SGPL1: variants seen among roughly 807,000 people sequenced by gnomAD.
SGPL1 encodes the protein SP-lyase 1.
In SGPL1, 37 loss-of-function variants were observed where a neutral mutation model predicts 68.9. That is an observed-to-expected ratio of 0.54 (90% CI 0.41 to 0.71). SGPL1 has a LOEUF of 0.71. SGPL1 is among the 30% of genes least tolerant of loss of function. The probability of loss-of-function intolerance (pLI) is 0.00; values close to 1 mark genes in which losing one functional copy is unlikely to be tolerated. For missense variants in SGPL1, 551 were observed against 704.6 expected, an observed-to-expected ratio of 0.78 and a Z score of 2.47; for synonymous variants, 236 against 248.5, an observed-to-expected ratio of 0.95 and a Z score of 0.47.
At chr10:70,851,680 T>C (rs1845883697) in intron 4 of SGPL1, among the ~76,000 whole-genome samples, 1 of 152,142 alleles carries the variant, frequency 6.6e-6, no homozygotes. Context: ...GGTGCTTACA[T>C]GGTTTAGGTC....
At chr10:70,864,125 T>C (rs1363572874) in intron 7 of SGPL1, among the ~76,000 whole-genome samples, 1 of 152,174 alleles carries the variant, frequency 6.6e-6, no homozygotes. Context: ...TTAGGAAGGT[T>C]GCTCAAGGTA....
At chr10:70,827,568 A>T (rs1416851275) in intron 2 of SGPL1, among the ~76,000 whole-genome samples, 1 of 152,228 alleles carries the variant, frequency 6.6e-6, no homozygotes, top group Non-Finnish European at 1.5e-5. Flanking sequence ...TAGTATAGGC[A>T]GAAACTGCAG....
chr10:70,817,515 T>G (rs1845256515), intron 2 of SGPL1, among the ~76,000 whole-genome samples: 1 of 152,210 alleles, frequency 6.6e-6, no homozygotes, highest in Admixed American at 6.5e-5. Context: ...CATAGCTCAC[T>G]GTAGCCTGGA....
Position 70,859,487 on chromosome 10 carries a change from T to C in SGPL1, c.603T>C (p.Asp201=). 6.5e-7 allele frequency: 1 copy of C among 1,527,734 alleles called. No individual in the cohort carries two copies. Among genetic ancestry groups the C allele is most frequent in the African/African-American group, 1.4e-5 (1 of 71,786 alleles). The allele number at this position is 1,527,734 out of a possible 1,614,324, so 94.6% of individuals were successfully genotyped here. Residue 201 remains aspartate (D), a synonymous_variant, in exon 7 of 15, where the codon GAT becomes GAC. Transcript: ENST00000373202. The part of the protein sequence containing the change: ...IACSLFNGGP[D]SCGCVTSGGT... ...GTTCCCTGTTCAATGGGGGACCAGA[T>C]TCGTGTGGATGTGTAAGTATATGCA...
At chr10:70,847,654 A>C (rs547045130) in intron 3 of SGPL1, among the ~76,000 whole-genome samples, 2 of 152,214 alleles carry the variant, frequency 1.3e-5, no homozygotes, top group Non-Finnish European at 2.9e-5. Flanking sequence ...AATGTTGACA[A>C]TTTTATACAA....
At chr10:70,872,035 T>C (rs753803024) in intron 11 of SGPL1, 49 bp downstream of exon 11, 7 of 1,553,304 alleles carry the variant, frequency 4.5e-6, no homozygotes, top group Admixed American at 3.8e-5. Context: ...TTTTGACTAT[T>C]ATTGATAAAA....
intron 2 of SGPL1, among the ~76,000 whole-genome samples, chr10:70,818,901 T>C (rs935867788): frequency 6.6e-6 from 1 of 152,216 alleles, no homozygotes; most frequent in Non-Finnish European, 1.5e-5. Flanking sequence ...TAATCTCCCC[T>C]ATCTCCTACA....
At chr10:70,863,487 T>A (rs11817451) in intron 7 of SGPL1, among the ~76,000 whole-genome samples, 1 of 151,946 alleles carries the variant, frequency 6.6e-6, no homozygotes, top group Non-Finnish European at 1.5e-5. Flanking sequence ...TGATTTTATT[T>A]TATTTATTTA....
intron 4 of SGPL1, among the ~76,000 whole-genome samples, chr10:70,852,711 TGTGTGTGTGTGTGTGTGCGCGCGCACGC>T (rs1564625339): frequency 7.6e-6 from 1 of 131,192 alleles, no homozygotes; most frequent in African/African-American, 2.9e-5. Context: ...TGTGTATGTG[TGTGTGTGTGTGTGTGTGCGCGCGCACGC>T]GTGTGTGTAT....
At chr10:70,838,557 G>A (rs940150987) in intron 2 of SGPL1, among the ~76,000 whole-genome samples, 7 of 152,162 alleles carry the variant, frequency 4.6e-5, no homozygotes, top group Admixed American at 1.3e-4. Context: ...AGAATAAATC[G>A]TAAGTATAAA....
In SGPL1 at chr10:70,854,795, C is replaced by T. The variant is rs1282774333; in HGVS notation, c.349C>T (p.Pro117Ser). The T allele has an allele frequency of 7.4e-6, 12 of 1,613,978 alleles. No homozygotes were observed. Among genetic ancestry groups the T allele is most frequent in the African/African-American group, 5.3e-5 (4 of 75,020 alleles). ...KVDKEYVKAL[P>S]SQGLSSSAVL... ...GGACAAAGAGTATGTGAAAGCTTTA[C>T]CCTCCCAGGGTCTGAGCTCATCTGC... The change falls in exon 5 of 15, where the codon CCC becomes TCC. Residue 117 changes from proline to serine, a missense_variant. Transcript: ENST00000373202.
At chr10:70,829,883 C>T (rs1049883428) in intron 2 of SGPL1, among the ~76,000 whole-genome samples, 3 of 152,132 alleles carry the variant, frequency 2.0e-5, no homozygotes, top group African/African-American at 7.2e-5. Context: ...ACAGTATGTG[C>T]TTAGGAATTG....
intron 8 of SGPL1, 56 bp from the exon 9 acceptor site, chr10:70,869,736 G>A (rs560963706): frequency 1.4e-5 from 18 of 1,278,274 alleles, no homozygotes; most frequent in Non-Finnish European, 2.0e-5. Context: ...GCTGCTAATG[G>A]TGTTTTCTAT....
At position 70,851,679 on chromosome 10, in the gene SGPL1, A is replaced by G. The variant is rs557330590; in HGVS notation, c.261+469A>G. ...ATTTATCTAGGAGTTGGGTGCTTAC[A>G]TGGTTTAGGTCAGGGGTCGGCAAAT... On this transcript the variant is annotated intron_variant, in intron 4 of 14. Coordinates refer to ENST00000373202, the MANE Select transcript of SGPL1 (RefSeq NM_003901.4). Among the ~76,000 whole-genome samples, 8 of 152,280 alleles carry G rather than the reference A, an allele frequency of 5.3e-5. No individual in the cohort carries two copies. In the South Asian group the frequency reaches 1.0e-3, roughly 20 times the overall value.
intron 3 of SGPL1, among the ~76,000 whole-genome samples, chr10:70,848,151 A>G (rs567993039): frequency 6.6e-6 from 1 of 152,252 alleles, no homozygotes; most frequent in African/African-American, 2.4e-5. Flanking sequence ...TTGTTGTGTC[A>G]CCTTGGGTGA....
rs1184380583 is a variant in SGPL1 at position 70,880,257 on chromosome 10, G to A, written c.*2922G>A. On this transcript the variant is annotated 3_prime_UTR_variant, in exon 15 of 15. Coordinates refer to ENST00000373202, the MANE Select transcript of SGPL1 (RefSeq NM_003901.4). Reference sequence around the variant, plus strand: ...TGTGCCCACTGATACCAAGACCAATGAAAGAGACACAGTTAAGCAGCAATC... The same window carrying A: ...TGTGCCCACTGATACCAAGACCAATAAAAGAGACACAGTTAAGCAGCAATC... 6.6e-6 allele frequency: 1 copy of A among 152,240 alleles called. No homozygotes were observed. Among genetic ancestry groups the A allele is most frequent in the Non-Finnish European group, 1.5e-5 (1 of 68,046 alleles). 9.4% of individuals were successfully genotyped at this position (152,240 alleles called of 1,614,324 possible). A position where few individuals can be genotyped will look rare whatever the true frequency, so the allele number is the denominator to read the frequency against.
chr10:70,860,440 A>G (rs898294735), intron 7 of SGPL1: 1 of 467,866 alleles, frequency 2.1e-6, no homozygotes, highest in African/African-American at 2.0e-5. Flanking sequence ...CGCCATGAAA[A>G]TCATCATGTT....
At position 70,875,397 on chromosome 10, in the gene SGPL1, T is replaced by C. The variant is rs747744687; in HGVS notation, c.1299-5T>C. 1.3e-6 allele frequency: 2 copies of C among 1,597,972 alleles called. No individual in the cohort carries two copies. The highest frequency in any genetic ancestry group is 2.2e-5 in the South Asian group (2 of 90,628). ...TTCTTCCTTCATTTATTTTTTTGTT[T>C]TAAGACTGGAAAATATCAAAGGCAT... On this transcript the variant is annotated splice_region_variant and splice_polypyrimidine_tract_variant and intron_variant, in intron 12 of 14. Transcript: ENST00000373202.
chr10:70,861,516 C>T (rs1468959774), intron 7 of SGPL1, among the ~76,000 whole-genome samples: 2 of 152,202 alleles, frequency 1.3e-5, no homozygotes, highest in Non-Finnish European at 2.9e-5. Flanking sequence ...CTCGGCGCCT[C>T]CTCTGCCTGG....
Sources: gnomAD v4.1 joint callset for allele counts (sites outside exome capture counted in the v4.1 genomes callset) on GRCh38, gnomAD v4.1.1 for gene constraint, MANE v1.5 for transcripts, NCBI Gene and HGNC (gene_info 2026-07-23, HGNC 2026-07-21) for gene names.